AFF2: variants seen among roughly 807,000 people sequenced by gnomAD.
AFF2 encodes the protein AF4/FMR2 family member 2.
Under a neutral mutation model 76.9 loss-of-function variants are expected in AFF2, and 14 were observed. That is an observed-to-expected ratio of 0.18 (90% CI 0.12 to 0.28). AFF2 has a LOEUF of 0.28. Ranked by LOEUF, AFF2 falls within the 10% of genes least tolerant of loss-of-function variation. The pLI, the probability that AFF2 is intolerant of heterozygous loss-of-function variation, is 1.00. For synonymous variants in AFF2, 398 were observed against 366.7 expected, an observed-to-expected ratio of 1.09 and a Z score of -0.98; for missense variants, 868 against 1,001.1, an observed-to-expected ratio of 0.87 and a Z score of 1.79.
intron 3 of AFF2, among the ~76,000 whole-genome samples, chrX:148,790,403 G>A (rs2069876088): frequency 9.0e-6 from 1 of 111,282 alleles, no homozygotes; most frequent in South Asian, 3.8e-4. Flanking sequence ...GTTCATTGCA[G>A]CACTATTCAC....
chrX:148,783,176 C>T (rs782800485), intron 3 of AFF2, among the ~76,000 whole-genome samples: 4 of 110,886 alleles, frequency 3.6e-5, no homozygotes, highest in South Asian at 3.9e-4. Flanking sequence ...ATTTCCCCCT[C>T]GGTGGTATAA....
chrX:148,698,069 T>C (rs1202698628), intron 3 of AFF2, among the ~76,000 whole-genome samples: 5 of 112,362 alleles, frequency 4.4e-5, no homozygotes, highest in Non-Finnish European at 5.6e-5. Context: ...AATAAACATA[T>C]ACGTGTGTGT....
intron 1 of AFF2, among the ~76,000 whole-genome samples, chrX:148,628,538 A>T (rs1040375839): frequency 9.1e-6 from 1 of 109,339 alleles, no homozygotes; most frequent in Admixed American, 9.8e-5. Context: ...ACTTGGCATT[A>T]TAAAAAATTA....
intron 3 of AFF2, among the ~76,000 whole-genome samples, chrX:148,747,812 G>A (rs919616192): frequency 9.0e-6 from 1 of 111,448 alleles, no homozygotes; most frequent in Non-Finnish European, 1.9e-5. Context: ...TCAGTAACGG[G>A]CTGAAAAGTT....
chrX:148,748,093 A>C (rs781961428), intron 3 of AFF2, among the ~76,000 whole-genome samples: 1 of 112,171 alleles, frequency 8.9e-6, no homozygotes, highest in African/African-American at 3.2e-5. Flanking sequence ...GTAATTTTTC[A>C]ATGACGGCTT....
intron 7 of AFF2, among the ~76,000 whole-genome samples, chrX:148,845,198 T>C (rs1244597782): frequency 9.1e-6 from 1 of 110,139 alleles, no homozygotes; most frequent in Non-Finnish European, 1.9e-5. Context: ...TTGAAAAAAA[T>C]ATAAAAATAG....
At chrX:148,578,705 A>G (rs1216472919) in intron 1 of AFF2, among the ~76,000 whole-genome samples, 1 of 111,522 alleles carries the variant, frequency 9.0e-6, no homozygotes, top group Non-Finnish European at 1.9e-5. Flanking sequence ...GTTTTGGGGG[A>G]AAAAACATCA....
intron 7 of AFF2, among the ~76,000 whole-genome samples, chrX:148,867,990 C>T (rs898324116): frequency 1.8e-5 from 2 of 111,807 alleles, no homozygotes; most frequent in Non-Finnish European, 3.8e-5. Flanking sequence ...ACCCTGGAAC[C>T]TAAAGCCTAG....
intron 3 of AFF2, among the ~76,000 whole-genome samples, chrX:148,773,392 A>G (rs2069614961): frequency 9.0e-6 from 1 of 110,829 alleles, no homozygotes; most frequent in South Asian, 3.8e-4. Flanking sequence ...CCAAATCTTC[A>G]TGAGAAGAAA....
chrX:148,801,574 C>T (rs1557270936), intron 3 of AFF2, among the ~76,000 whole-genome samples: 1 of 111,684 alleles, frequency 9.0e-6, no homozygotes, highest in Non-Finnish European at 1.9e-5. Context: ...AAGAAGTGTA[C>T]AGAAGTGTCC....
chrX:148,741,584 G>A (rs1295385051), intron 3 of AFF2, among the ~76,000 whole-genome samples: 1 of 111,184 alleles, frequency 9.0e-6, no homozygotes, highest in African/African-American at 3.3e-5. Context: ...TGAAGAAAAG[G>A]GCTTTTTAGT....
chrX:148,877,360 A>G (rs1557278005), intron 7 of AFF2, among the ~76,000 whole-genome samples: 1 of 111,660 alleles, frequency 9.0e-6, no homozygotes. Flanking sequence ...ATCCAGCTCT[A>G]CAGAGTTAAA....
rs372052962 is a variant in AFF2 at position 148,977,999 on chromosome X, A to G, written c.3471A>G (p.Val1157=). The change falls in exon 17 of 21, where the codon GTA becomes GTG. Residue 1157 remains valine, a synonymous_variant. Coordinates refer to ENST00000370460, the MANE Select transcript of AFF2 (RefSeq NM_002025.4). ...CGGATGGGGACAAAAAGCTAGCAGT[A>G]CTATGGTGAGTCCCATGGAGGCCAC... is the stretch of plus-strand genomic sequence containing the variant. ...LASDGDKKLA[V]LCYRCLSLLY... is the part of the protein sequence containing the mutation. The G allele has an allele frequency of 8.1e-5, 97 of 1,196,533 alleles. No homozygotes were observed. The highest frequency in any genetic ancestry group is 4.6e-4 in the Middle Eastern group (2 of 4,345).
chrX:148,953,637 C>T lies in AFF2; in HGVS notation c.1455C>T (p.Gly485=), dbSNP rs945866496. The T allele has an allele frequency of 1.7e-6, 2 of 1,211,708 alleles. No individual in the cohort carries two copies. The highest frequency in any genetic ancestry group is 2.2e-6 in the Non-Finnish European group (2 of 895,382). ...PPAVQASGGS[G]SSSESESSSE... ...CAGTGCAAGCCAGCGGGGGTTCTGG[C>T]AGCTCCAGCGAATCGGAGAGCAGCT... The change falls in exon 10 of 21, where the codon GGC becomes GGT. Residue 485 remains glycine, a synonymous_variant. Coordinates refer to ENST00000370460, the MANE Select transcript of AFF2 (RefSeq NM_002025.4).
intron 9 of AFF2, among the ~76,000 whole-genome samples, chrX:148,910,528 G>A (rs1353372884): frequency 8.9e-6 from 1 of 112,284 alleles, no homozygotes; most frequent in Non-Finnish European, 1.9e-5. Flanking sequence ...GAGGCTCTAA[G>A]AACAAAAAAT....
chrX:148,840,933 T>C (rs1557274239), intron 5 of AFF2, among the ~76,000 whole-genome samples: 1 of 112,149 alleles, frequency 8.9e-6, no homozygotes, highest in African/African-American at 3.2e-5. Context: ...AAAAATAAAG[T>C]AAAAAGAAGT....
chrX:148,760,084 T>C (rs1239792943), intron 3 of AFF2, among the ~76,000 whole-genome samples: 2 of 112,572 alleles, frequency 1.8e-5, no homozygotes, highest in Non-Finnish European at 3.8e-5. Context: ...CTTTTCATAA[T>C]ATTAATGTTT....
intron 1 of AFF2, among the ~76,000 whole-genome samples, chrX:148,534,656 G>C (rs1428385951): frequency 1.8e-5 from 2 of 112,300 alleles, no homozygotes; most frequent in Non-Finnish European, 3.8e-5. Flanking sequence ...CACAAAAAAA[G>C]ACTCTTAATA....
intron 3 of AFF2, among the ~76,000 whole-genome samples, chrX:148,709,162 T>C (rs1046247545): frequency 9.8e-5 from 11 of 111,880 alleles, no homozygotes; most frequent in Admixed American, 2.9e-4. Context: ...AATCTGGCAT[T>C]CATTGTAGAT....
Sources: gnomAD v4.1 joint callset for allele counts (sites outside exome capture counted in the v4.1 genomes callset) on GRCh38, gnomAD v4.1.1 for gene constraint, MANE v1.5 for transcripts, NCBI Gene and HGNC (gene_info 2026-07-23, HGNC 2026-07-21) for gene names.